LHCGR: variants seen among roughly 807,000 people sequenced by gnomAD.
The protein encoded by LHCGR is luteinizing hormone/choriogonadotropin receptor, also known as lutropin-choriogonadotropic hormone receptor.
Under a neutral mutation model 60.7 loss-of-function variants are expected in LHCGR, and 55 were observed. That is an observed-to-expected ratio of 0.91 (90% CI 0.73 to 1.13). LHCGR has a LOEUF of 1.13. LHCGR is among the 50% of genes most tolerant of loss of function. The pLI is 0.00. For synonymous variants in LHCGR, 337 were observed against 316.5 expected, an observed-to-expected ratio of 1.06 and a Z score of -0.69; for missense variants, 862 against 836.0, an observed-to-expected ratio of 1.03 and a Z score of -0.38.
At chr2:48,699,153 A>C (rs1667279389) in intron 8 of LHCGR, among the ~76,000 whole-genome samples, 1 of 152,076 alleles carries the variant, frequency 6.6e-6, no homozygotes, top group Non-Finnish European at 1.5e-5. Context: ...CAGAGAATGA[A>C]ACCTCCCCTC....
intron 6 of LHCGR, among the ~76,000 whole-genome samples, chr2:48,719,004 C>G (rs1466806915): frequency 6.6e-6 from 1 of 152,152 alleles, no homozygotes. Flanking sequence ...AAAAGGGTGA[C>G]AGGCATCAGA....
intron 9 of LHCGR, among the ~76,000 whole-genome samples, chr2:48,697,052 C>T (rs953050450): frequency 7.2e-5 from 11 of 152,156 alleles, no homozygotes; most frequent in Non-Finnish European, 1.5e-4. Flanking sequence ...TCTAAACAAC[C>T]GGGCCTGGCA....
At chr2:48,700,965 C>T (rs1010005534) in intron 8 of LHCGR, among the ~76,000 whole-genome samples, 2 of 152,034 alleles carry the variant, frequency 1.3e-5, no homozygotes, top group Non-Finnish European at 2.9e-5. Flanking sequence ...ACGAAGTAGA[C>T]AGAGTGAGAA....
chr2:48,699,059 C>T (rs1278683126), intron 8 of LHCGR, among the ~76,000 whole-genome samples: 4 of 152,034 alleles, frequency 2.6e-5, no homozygotes, highest in African/African-American at 9.7e-5. Context: ...CTTCTGACCT[C>T]GTGATCCGCC....
chr2:48,699,431 C>G (rs956359680), intron 8 of LHCGR, among the ~76,000 whole-genome samples: 6 of 152,168 alleles, frequency 3.9e-5, no homozygotes, highest in Non-Finnish European at 8.8e-5. Flanking sequence ...CTCCACTTCT[C>G]TCTACTTAGC....
chr2:48,732,152 T>A (rs1669021911), intron 1 of LHCGR, among the ~76,000 whole-genome samples: 1 of 152,350 alleles, frequency 6.6e-6, no homozygotes, highest in Admixed American at 6.5e-5. Context: ...GAGGTTAAGA[T>A]AACTCAGGAG....
chr2:48,742,241 T>C (rs1246676532), intron 1 of LHCGR, among the ~76,000 whole-genome samples: 8 of 152,030 alleles, frequency 5.3e-5, no homozygotes, highest in Admixed American at 4.6e-4. Context: ...ACATTAATAA[T>C]GGGAGACTTT....
chr2:48,730,640 A>G (rs1273427899), intron 2 of LHCGR, among the ~76,000 whole-genome samples: 2 of 152,158 alleles, frequency 1.3e-5, no homozygotes, highest in Admixed American at 1.3e-4. Context: ...GCCCTTGAGA[A>G]CATTCTCTCT....
intron 8 of LHCGR, among the ~76,000 whole-genome samples, chr2:48,704,004 G>A (rs1316471846): frequency 5.3e-5 from 8 of 152,124 alleles, no homozygotes; most frequent in Admixed American, 1.3e-4. Context: ...TGCCCATTTG[G>A]TATGATATTG....
At chr2:48,728,771 T>C (rs1340196099) in intron 3 of LHCGR, among the ~76,000 whole-genome samples, 2 of 152,176 alleles carry the variant, frequency 1.3e-5, no homozygotes, top group Non-Finnish European at 2.9e-5. Context: ...ATTCACTGAA[T>C]GAGTGAATGT....
Position 48,723,463 on chromosome 2 carries a change from C to A in LHCGR, c.529G>T (p.Val177Leu). ...NAFQGMNNESVTLKLYGNGFE... is the reference protein window; with the variant it reads ...NAFQGMNNESLTLKLYGNGFE... ...ATCTGGGAGTTTACTCACAGTGTTA[C>A]AGATTCATTATTCATCCCTTGAAAA... is the stretch of plus-strand genomic sequence containing the variant. The change falls in exon 6 of 11, where the codon GTA (valine) becomes TTA (leucine). Residue 177 changes from valine (V) to leucine (L), a missense_variant. By Grantham distance (32) the Val-to-Leu change is conservative (BLOSUM62 1). Transcript: ENST00000294954. The A allele has an allele frequency of 6.2e-7, 1 of 1,606,522 alleles. No homozygotes were observed. The highest frequency in any genetic ancestry group is 8.5e-7 in the Non-Finnish European group (1 of 1,173,122).
At chr2:48,749,953 G>A (rs762284219) in intron 1 of LHCGR, among the ~76,000 whole-genome samples, 45 of 152,152 alleles carry the variant, frequency 3.0e-4, no homozygotes, top group Non-Finnish European at 5.6e-4. Context: ...CTTCTCCCGA[G>A]GAGTCTGTGT....
At chr2:48,727,276 A>G (rs1413638087) in intron 3 of LHCGR, among the ~76,000 whole-genome samples, 1 of 152,134 alleles carries the variant, frequency 6.6e-6, no homozygotes, top group Non-Finnish European at 1.5e-5. Flanking sequence ...AAAAGATTAA[A>G]AGAAATTTAA....
Position 48,755,723 on chromosome 2 carries a change from G to A in LHCGR, c.-52C>T, listed in dbSNP as rs1340042220. On this transcript the variant is annotated 5_prime_UTR_variant, in exon 1 of 11. Transcript: ENST00000294954. ...TGCCAGTGTCTTGGACGGCCTCTGAGTGCGGCCCGCACCCCTCTCCCCGCC... is the reference window on the plus strand; with the variant it reads ...TGCCAGTGTCTTGGACGGCCTCTGAATGCGGCCCGCACCCCTCTCCCCGCC... 3.7e-5 allele frequency: 56 copies of A among 1,532,344 alleles called. No homozygotes were observed. The highest frequency in any genetic ancestry group is 4.5e-5 in the Non-Finnish European group (52 of 1,145,980). The allele number at this position is 1,532,344 out of a possible 1,614,324, so 94.9% of individuals were successfully genotyped here. A position where few individuals can be genotyped will look rare whatever the true frequency, so the allele number is the denominator to read the frequency against.
At chr2:48,749,641 G>T (rs75210329) in intron 1 of LHCGR, among the ~76,000 whole-genome samples, 1 of 151,784 alleles carries the variant, frequency 6.6e-6, no homozygotes, top group Non-Finnish European at 1.5e-5. Context: ...AGCCAACTGA[G>T]GGGCTTAGGA....
chr2:48,707,245 C>G (rs140094551), intron 8 of LHCGR, among the ~76,000 whole-genome samples: 2,584 of 152,358 alleles, frequency 0.017, 66 homozygotes, highest in African/African-American at 0.051. Flanking sequence ...GCAAGTATTG[C>G]TGACTGATCC....
rs993778189 is a variant in LHCGR at position 48,706,549 on chromosome 2, T to G, written c.680+2399A>C. 2.0e-5 allele frequency among the ~76,000 whole-genome samples: 3 copies of G among 152,250 alleles called. No individual in the cohort carries two copies. In the South Asian group the frequency reaches 6.2e-4, roughly 32 times the overall value. Reference sequence around the variant, plus strand: ...ACCAATCAAACGTAGATATGGTCTTTTAACATAGTCCCATATTTCTTGAGA... The same window carrying G: ...ACCAATCAAACGTAGATATGGTCTTGTAACATAGTCCCATATTTCTTGAGA... On this transcript the variant is annotated intron_variant, in intron 8 of 10. Coordinates refer to ENST00000294954, the MANE Select transcript of LHCGR (RefSeq NM_000233.4).
At chr2:48,716,573 C>T (rs1198687583) in intron 6 of LHCGR, among the ~76,000 whole-genome samples, 1 of 152,194 alleles carries the variant, frequency 6.6e-6, no homozygotes, top group Non-Finnish European at 1.5e-5. Context: ...CAGTAGTTTT[C>T]TTCCCCTTCT....
chr2:48,744,899 G>T (rs77910264), intron 1 of LHCGR, among the ~76,000 whole-genome samples: 5,636 of 151,106 alleles, frequency 0.037, 167 homozygotes, highest in Non-Finnish European at 0.055. Flanking sequence ...ACCATCAGAG[G>T]GAACAGGCAA....
Sources: gnomAD v4.1 joint callset for allele counts (sites outside exome capture counted in the v4.1 genomes callset) on GRCh38, gnomAD v4.1.1 for gene constraint, MANE v1.5 for transcripts, NCBI Gene and HGNC (gene_info 2026-07-23, HGNC 2026-07-21) for gene names.